Variants in TENM4 observed in about 807,000 individuals in gnomAD.
TENM4 encodes teneurin transmembrane protein 4, also known as teneurin-4.
A neutral mutation model predicts 243.3 loss-of-function variants in TENM4; 82 were observed. The ratio of observed to expected loss-of-function variants is 0.34; its 90% CI spans 0.28 to 0.40. TENM4 has a LOEUF of 0.40. Among genes scored for constraint, TENM4 ranks in the 10% least tolerant of loss-of-function variants. TENM4 has a pLI of 1.00. For synonymous variants in TENM4, 1,412 were observed against 1,456.3 expected, an observed-to-expected ratio of 0.97 and a Z score of 0.69; for missense variants, 3,138 against 3,673.3, an observed-to-expected ratio of 0.85 and a Z score of 3.77.
chr11:79,089,549 C>T (rs1273152970), intron 4 of TENM4, among the ~76,000 whole-genome samples: 1 of 152,194 alleles, frequency 6.6e-6, no homozygotes, highest in Non-Finnish European at 1.5e-5. Context: ...TCATGATGTA[C>T]ACAGCACTGC....
At chr11:78,732,224 G>T in intron 21 of TENM4, 92 bp downstream of exon 21, 4 of 1,496,754 alleles carry the variant, frequency 2.7e-6, no homozygotes, top group Non-Finnish European at 3.6e-6. Flanking sequence ...CCCTACAGAG[G>T]TGTTTTTTCT....
chr11:78,918,541 A>G (rs1444174123), intron 6 of TENM4, among the ~76,000 whole-genome samples: 1 of 152,182 alleles, frequency 6.6e-6, no homozygotes, highest in African/African-American at 2.4e-5. Context: ...AACCTTAATC[A>G]AACAGTTATA....
chr11:79,238,266 G>C (rs1342897637), intron 2 of TENM4, among the ~76,000 whole-genome samples: 5 of 152,168 alleles, frequency 3.3e-5, no homozygotes, highest in Non-Finnish European at 7.3e-5. Flanking sequence ...CATGTGTCAA[G>C]TTGACAGGGC....
intron 4 of TENM4, among the ~76,000 whole-genome samples, chr11:79,078,806 A>G (rs1413709057): frequency 6.6e-6 from 1 of 152,212 alleles, no homozygotes; most frequent in Non-Finnish European, 1.5e-5. Flanking sequence ...TTTATCGACA[A>G]AGAAACCAGG....
chr11:79,410,956 TAC>T (rs143723822), intron 1 of TENM4, among the ~76,000 whole-genome samples: 38 of 151,222 alleles, frequency 2.5e-4, no homozygotes, highest in Admixed American at 5.9e-4. Context: ...TACACACACA[TAC>T]ACACACACAC....
chr11:78,663,090 C>G (rs886697704), intron 32 of TENM4, among the ~76,000 whole-genome samples: 2 of 152,138 alleles, frequency 1.3e-5, no homozygotes, highest in African/African-American at 4.8e-5. Context: ...CTTCAGATGG[C>G]AGGGGGAGGT....
At chr11:78,962,366 A>G (rs945576695) in intron 6 of TENM4, 2 of 151,812 alleles carry the variant, frequency 1.3e-5, no homozygotes, top group Non-Finnish European at 2.9e-5. Context: ...GCGAACCACA[A>G]AGACAAACAC....
chr11:78,916,712 T>C (rs999775988), intron 6 of TENM4, among the ~76,000 whole-genome samples: 3 of 151,872 alleles, frequency 2.0e-5, no homozygotes, highest in African/African-American at 7.3e-5. Context: ...ATTTTGCAGA[T>C]GAGAAAACTG....
intron 14 of TENM4, among the ~76,000 whole-genome samples, chr11:78,810,497 C>T (rs907151606): frequency 1.3e-5 from 2 of 152,152 alleles, no homozygotes; most frequent in Non-Finnish European, 2.9e-5. Flanking sequence ...TCAGGGTCTT[C>T]ACCTCAAGTG....
chr11:79,202,037 C>T (rs1410891059), intron 3 of TENM4, among the ~76,000 whole-genome samples: 2 of 151,892 alleles, frequency 1.3e-5, no homozygotes, highest in Non-Finnish European at 2.9e-5. Context: ...CAGGGTGGCA[C>T]CCAAGTTTCT....
At chr11:79,020,532 A>G (rs918532259) in intron 6 of TENM4, among the ~76,000 whole-genome samples, 5 of 152,174 alleles carry the variant, frequency 3.3e-5, no homozygotes, top group African/African-American at 1.2e-4. Context: ...AAGCATGAAC[A>G]ATAGCTTGCA....
intron 10 of TENM4, among the ~76,000 whole-genome samples, chr11:78,861,526 CTT>C (rs1858819396): frequency 6.6e-6 from 1 of 152,162 alleles, no homozygotes; most frequent in African/African-American, 2.4e-5. Flanking sequence ...CATTTTAAGA[CTT>C]AAAATCTTTG....
At chr11:78,920,999 A>G (rs961669363) in intron 6 of TENM4, among the ~76,000 whole-genome samples, 1 of 152,218 alleles carries the variant, frequency 6.6e-6, no homozygotes, top group African/African-American at 2.4e-5. Flanking sequence ...GTTTAACGCT[A>G]TCAACTTCAT....
intron 20 of TENM4, among the ~76,000 whole-genome samples, chr11:78,734,912 C>T (rs548821510): frequency 3.9e-5 from 6 of 152,334 alleles, no homozygotes; most frequent in East Asian, 1.9e-4. Context: ...AAACACCCTA[C>T]GTCCCTTCTT....
intron 12 of TENM4, among the ~76,000 whole-genome samples, chr11:78,848,947 C>G (rs1858465052): frequency 6.6e-6 from 1 of 152,202 alleles, no homozygotes; most frequent in Non-Finnish European, 1.5e-5. Flanking sequence ...CAAAATGACT[C>G]TTCTCTTCAA....
intron 6 of TENM4, among the ~76,000 whole-genome samples, chr11:78,954,020 G>T (rs779273231): frequency 2.0e-5 from 3 of 152,192 alleles, no homozygotes; most frequent in Non-Finnish European, 4.4e-5. Flanking sequence ...AAAGCAGAGG[G>T]AATTTTTTTT....
chr11:79,149,299 T>G (rs1862450153), intron 3 of TENM4, among the ~76,000 whole-genome samples: 1 of 152,146 alleles, frequency 6.6e-6, no homozygotes, highest in African/African-American at 2.4e-5. Flanking sequence ...CTGGTTTATT[T>G]ACTTATATTT....
chr11:79,305,488 C>A (rs555635676), intron 1 of TENM4, among the ~76,000 whole-genome samples: 1 of 152,098 alleles, frequency 6.6e-6, no homozygotes, highest in East Asian at 1.9e-4. Context: ...TCAACTCTAC[C>A]GGGATGGAAT....
At chr11:78,875,731 G>T (rs1021549815) in intron 9 of TENM4, among the ~76,000 whole-genome samples, 1 of 152,180 alleles carries the variant, frequency 6.6e-6, no homozygotes, top group Non-Finnish European at 1.5e-5. Context: ...AATAAAAACA[G>T]CATGGTGCCC....
Sources: allele counts gnomAD v4.1 joint callset (sites outside exome capture counted in the v4.1 genomes callset), GRCh38; gene constraint gnomAD v4.1.1; transcripts MANE v1.5; gene names NCBI Gene and HGNC (gene_info 2026-07-23, HGNC 2026-07-21).